Variants in SLC24A3 observed in about 807,000 individuals in gnomAD.
SLC24A3 encodes sodium/potassium/calcium exchanger 3.
SLC24A3 carries 28 observed loss-of-function variants against 75.8 expected under a neutral mutation model. That is an observed-to-expected ratio of 0.37 (90% CI 0.27 to 0.51). The LOEUF (loss-of-function observed/expected upper bound fraction) is 0.51, where lower values mean the gene tolerates loss of function less well. Among genes scored for constraint, SLC24A3 ranks in the 20% least tolerant of loss-of-function variants. The probability of loss-of-function intolerance (pLI) is 0.94; values close to 1 mark genes in which losing one functional copy is unlikely to be tolerated. For missense variants in SLC24A3, 663 were observed against 847.8 expected, an observed-to-expected ratio of 0.78 and a Z score of 2.71; for synonymous variants, 372 against 334.1, an observed-to-expected ratio of 1.11 and a Z score of -1.24.
At chr20:19,601,056 A>G (rs538719561) in intron 6 of SLC24A3, among the ~76,000 whole-genome samples, 1 of 152,336 alleles carries the variant, frequency 6.6e-6, no homozygotes, top group Non-Finnish European at 1.5e-5. Flanking sequence ...GAAGTTACTT[A>G]ACCTTGCTGT....
chr20:19,425,580 G>A (rs6035332), intron 2 of SLC24A3, among the ~76,000 whole-genome samples: 25 of 152,256 alleles, frequency 1.6e-4, no homozygotes, highest in African/African-American at 5.3e-4. Flanking sequence ...GTGCCAGCTT[G>A]TCCCAGTATT....
At chr20:19,415,189 T>C (rs1489490328) in intron 2 of SLC24A3, among the ~76,000 whole-genome samples, 1 of 152,178 alleles carries the variant, frequency 6.6e-6, no homozygotes, top group African/African-American at 2.4e-5. Flanking sequence ...CCTGGTGGTG[T>C]TGAGAGTGGA....
intron 2 of SLC24A3, among the ~76,000 whole-genome samples, chr20:19,477,349 G>A (rs1047304918): frequency 1.3e-5 from 2 of 152,178 alleles, no homozygotes; most frequent in East Asian, 1.9e-4. Flanking sequence ...TGCCACTAAC[G>A]TTTACAGGAA....
At chr20:19,317,115 T>C (rs903558862) in intron 2 of SLC24A3, among the ~76,000 whole-genome samples, 1 of 152,146 alleles carries the variant, frequency 6.6e-6, no homozygotes, top group Non-Finnish European at 1.5e-5. Flanking sequence ...TGGCTAGCTG[T>C]ATACAGAAAA....
rs141253378 is a variant in SLC24A3 at position 19,556,173 on chromosome 20, C to T, written c.349-23827C>T. ...TCCCAAAGGCCCCACCTCCCAATAC[C>T]TTCATATTGTTGATTAGGTTTCAAC... On this transcript the variant is annotated intron_variant, in intron 3 of 16. Coordinates refer to ENST00000328041, the MANE Select transcript of SLC24A3 (RefSeq NM_020689.4). 1.9e-3 allele frequency among the ~76,000 whole-genome samples: 284 copies of T among 152,196 alleles called. 2 individuals are homozygous for T. Among genetic ancestry groups the T allele is most frequent in the African/African-American group, 6.4e-3 (264 of 41,530 alleles).
At chr20:19,217,647 G>A (rs1212843358) in intron 1 of SLC24A3, among the ~76,000 whole-genome samples, 3 of 152,170 alleles carry the variant, frequency 2.0e-5, no homozygotes, top group African/African-American at 4.8e-5. Context: ...TATGGCAAAT[G>A]ACCACAGCTG....
chr20:19,248,918 A>G (rs916892671), intron 1 of SLC24A3, among the ~76,000 whole-genome samples: 2 of 150,570 alleles, frequency 1.3e-5, no homozygotes, highest in African/African-American at 2.5e-5. Context: ...ATGATCTCGT[A>G]TGTGGAATCT....
chr20:19,659,127 G>C (rs1388412171), intron 7 of SLC24A3, among the ~76,000 whole-genome samples: 1 of 152,226 alleles, frequency 6.6e-6, no homozygotes, highest in Non-Finnish European at 1.5e-5. Context: ...CTATGGGACA[G>C]GTCCCAGGTA....
intron 2 of SLC24A3, among the ~76,000 whole-genome samples, chr20:19,400,658 T>G (rs1368505575): frequency 6.6e-6 from 1 of 152,172 alleles, no homozygotes; most frequent in Non-Finnish European, 1.5e-5. Flanking sequence ...CTGAGGACTC[T>G]AGCTGTCTTG....
At chr20:19,249,320 C>G (rs1982583431) in intron 1 of SLC24A3, among the ~76,000 whole-genome samples, 1 of 152,184 alleles carries the variant, frequency 6.6e-6, no homozygotes, top group Admixed American at 6.5e-5. Flanking sequence ...TTTGGCTCAG[C>G]TTCCAACATC....
intron 2 of SLC24A3, among the ~76,000 whole-genome samples, chr20:19,357,009 C>T (rs1329029117): frequency 6.6e-6 from 1 of 152,060 alleles, no homozygotes; most frequent in Non-Finnish European, 1.5e-5. Flanking sequence ...GTGAATATTG[C>T]TTTGGTAAAT....
intron 3 of SLC24A3, among the ~76,000 whole-genome samples, chr20:19,523,418 C>G (rs2030140006): frequency 6.6e-6 from 1 of 152,180 alleles, no homozygotes; most frequent in Non-Finnish European, 1.5e-5. Flanking sequence ...AGTGTCAACA[C>G]AAAGCTAAAA....
Position 19,696,776 on chromosome 20 carries a change from A to G in SLC24A3, c.1492-21A>G, listed in dbSNP as rs1185305014. 2.5e-6 allele frequency: 4 copies of G among 1,584,630 alleles called. No homozygotes were observed. The Admixed American group carries it at 5.0e-5, about 20-fold the overall frequency. On this transcript the variant is annotated intron_variant, in intron 13 of 16. Transcript: ENST00000328041. ...GGCTTGAGGTGACCCTCAGCTGACC[A>G]CCTCTTCCTGCTCCTTCTAGGTCAC...
intron 2 of SLC24A3, among the ~76,000 whole-genome samples, chr20:19,328,188 C>T (rs1984914637): frequency 6.6e-6 from 1 of 151,834 alleles, no homozygotes; most frequent in Non-Finnish European, 1.5e-5. Flanking sequence ...GAGAATGGCA[C>T]AGAGGGTCAG....
At chr20:19,687,522 A>G (rs143540318) in intron 12 of SLC24A3, among the ~76,000 whole-genome samples, 1 of 152,348 alleles carries the variant, frequency 6.6e-6, no homozygotes, top group Non-Finnish European at 1.5e-5. Context: ...AGAGTCCGCC[A>G]TTAGCTGGCC....
intron 1 of SLC24A3, among the ~76,000 whole-genome samples, chr20:19,268,280 T>C (rs187088136): frequency 6.6e-6 from 1 of 152,326 alleles, no homozygotes; most frequent in African/African-American, 2.4e-5. Context: ...CCATTGTGAA[T>C]TCATATTTTA....
At chr20:19,427,804 T>A (rs1987036863) in intron 2 of SLC24A3, among the ~76,000 whole-genome samples, 1 of 152,236 alleles carries the variant, frequency 6.6e-6, no homozygotes, top group Non-Finnish European at 1.5e-5. Context: ...CTGTAGAGGT[T>A]GTCTGGAAAG....
chr20:19,654,512 G>A (rs78734442), intron 7 of SLC24A3, among the ~76,000 whole-genome samples: 6,377 of 151,792 alleles, frequency 0.042, 163 homozygotes, highest in East Asian at 0.092. Flanking sequence ...GCCCATTACC[G>A]TGGCCACCTT....
chr20:19,322,580 A>G (rs1411241033), intron 2 of SLC24A3, among the ~76,000 whole-genome samples: 2 of 152,166 alleles, frequency 1.3e-5, no homozygotes, highest in Non-Finnish European at 2.9e-5. Flanking sequence ...TTGACTTTCA[A>G]AGGCTTGGGA....
Sources: allele counts gnomAD v4.1 joint callset (sites outside exome capture counted in the v4.1 genomes callset), GRCh38; gene constraint gnomAD v4.1.1; transcripts MANE v1.5; gene names NCBI Gene and HGNC (gene_info 2026-07-23, HGNC 2026-07-21).